The following GFRA2 variants were observed in gnomAD, a reference collection of about 807,000 sequenced individuals.
GFRA2 encodes the protein GDNF family receptor alpha-2.
Under a neutral mutation model 48.3 loss-of-function variants are expected in GFRA2, and 17 were observed. The ratio of observed to expected loss-of-function variants is 0.35; its 90% CI spans 0.24 to 0.53. The LOEUF is 0.53. GFRA2 is among the 20% of genes least tolerant of loss of function. GFRA2 has a pLI of 0.93. For missense variants in GFRA2, 660 were observed against 637.3 expected (o/e 1.04, Z -0.38); for synonymous variants, 305 against 257.2 (o/e 1.19, Z -1.78).
chr8:21,704,971 C>T lies in GFRA2; in HGVS notation c.1045+14G>A. ...GAGGGGCTGCTGGGGTTGGGGAGAA[C>T]ATCCAGAACTTACGGAGGCATGGGT... On this transcript the variant is annotated intron_variant, in intron 6 of 8. Coordinates refer to ENST00000524240, the MANE Select transcript of GFRA2 (RefSeq NM_001495.5). 6.2e-7 allele frequency: 1 copy of T among 1,602,316 alleles called. No homozygotes were observed. The highest frequency in any genetic ancestry group is 1.7e-5 in the Admixed American group (1 of 59,666).
chr8:21,735,820 C>T (rs1206464358), intron 4 of GFRA2, among the ~76,000 whole-genome samples: 1 of 151,362 alleles, frequency 6.6e-6, no homozygotes, highest in Non-Finnish European at 1.5e-5. Context: ...GCCCATGCCA[C>T]CACACCCAGA....
At chr8:21,756,028 G>A (rs1805551501) in intron 3 of GFRA2, among the ~76,000 whole-genome samples, 1 of 152,188 alleles carries the variant, frequency 6.6e-6, no homozygotes, top group South Asian at 2.1e-4. Context: ...GGCTGGAGGA[G>A]TGGAGCGGCC....
At chr8:21,722,784 GACA>G (rs1803670244) in intron 4 of GFRA2, among the ~76,000 whole-genome samples, 1 of 152,204 alleles carries the variant, frequency 6.6e-6, no homozygotes, top group South Asian at 2.1e-4. Context: ...CACAACAGGT[GACA>G]ACGTTAGATG....
chr8:21,754,773 T>G (rs780536349), intron 3 of GFRA2, among the ~76,000 whole-genome samples: 30 of 152,156 alleles, frequency 2.0e-4, no homozygotes, highest in Non-Finnish European at 3.4e-4. Context: ...CCTCCAAAAG[T>G]GCTGGGATTA....
At chr8:21,728,049 A>C (rs1370347558) in intron 4 of GFRA2, among the ~76,000 whole-genome samples, 1 of 152,078 alleles carries the variant, frequency 6.6e-6, no homozygotes, top group Non-Finnish European at 1.5e-5. Flanking sequence ...GGCACATGTT[A>C]ATAGATGGTA....
At chr8:21,719,539 G>C (rs1803495202) in intron 4 of GFRA2, among the ~76,000 whole-genome samples, 1 of 152,184 alleles carries the variant, frequency 6.6e-6, no homozygotes, top group Non-Finnish European at 1.5e-5. Flanking sequence ...AAGAGATTGT[G>C]TTTACATAAG....
chr8:21,701,627 C>T (rs899411852), intron 7 of GFRA2, among the ~76,000 whole-genome samples: 1 of 152,104 alleles, frequency 6.6e-6, no homozygotes, highest in Non-Finnish European at 1.5e-5. Context: ...GGATTTGTAA[C>T]GCCTAACATT....
chr8:21,704,816 G>A (rs1211872489), intron 6 of GFRA2, among the ~76,000 whole-genome samples, 169 bp downstream of exon 6: 3 of 152,126 alleles, frequency 2.0e-5, no homozygotes, highest in Non-Finnish European at 4.4e-5. Flanking sequence ...CAGCTCTGGT[G>A]TGAATCTCCA....
At position 21,702,946 on chromosome 8, in the gene GFRA2, C is replaced by T. The variant is rs376133510; in HGVS notation, c.1077G>A (p.Thr359=). The T allele has an allele frequency of 6.3e-5, 97 of 1,548,858 alleles. No individual in the cohort carries two copies. In the South Asian group the frequency reaches 1.1e-3, roughly 18 times the overall value. The change falls in exon 7 of 9, where the codon ACG becomes ACA. Residue 359 remains threonine (T), a synonymous_variant. Coordinates refer to ENST00000524240, the MANE Select transcript of GFRA2 (RefSeq NM_001495.5). ...GGCCTTTTGGGGACACGTTCACGTC[C>T]GTGCCGTTGCCAAAGGCCTGGATGG... ...RNAIQAFGNG[T]DVNVSPKGPS...
intron 4 of GFRA2, among the ~76,000 whole-genome samples, chr8:21,717,874 C>G (rs1050913669): frequency 3.3e-5 from 5 of 152,196 alleles, no homozygotes; most frequent in Admixed American, 1.3e-4. Flanking sequence ...TCTCCTCCCA[C>G]AAGAGGTCCT....
chr8:21,745,153 G>A (rs1804943621), intron 4 of GFRA2, among the ~76,000 whole-genome samples: 1 of 152,266 alleles, frequency 6.6e-6, no homozygotes, highest in Non-Finnish European at 1.5e-5. Flanking sequence ...ACGGGTGACG[G>A]ACAAGGCCTG....
chr8:21,713,954 G>C lies in GFRA2; in HGVS notation c.795-7913C>G, dbSNP rs150558922. ...AAAAAAAGCAGTGCTTTGCGCCACA[G>C]CCAGAGAAAGCCCACAGTTACGTGG... On this transcript the variant is annotated intron_variant, in intron 4 of 8. Transcript: ENST00000524240. Among the ~76,000 whole-genome samples, 168 of 152,264 alleles carry C rather than the reference G, an allele frequency of 1.1e-3. 1 individual carries two copies. The highest frequency in any genetic ancestry group is 3.8e-3 in the African/African-American group (158 of 41,548).
At chr8:21,717,338 C>T (rs1362102787) in intron 4 of GFRA2, among the ~76,000 whole-genome samples, 3 of 152,214 alleles carry the variant, frequency 2.0e-5, no homozygotes, top group South Asian at 2.1e-4. Context: ...GGATGTAGAT[C>T]GTGTCAATGT....
chr8:21,789,365 C>A (rs1490756315), upstream of GFRA2: 1 of 152,604 alleles, frequency 6.6e-6, no homozygotes, highest in African/African-American at 2.4e-5. Flanking sequence ...GCCCCCGCCC[C>A]CTGCGCCGCT....
chr8:21,702,798 C>A lies in GFRA2; in HGVS notation c.1218+7G>T. ...GCTCCCCCCACGCCTCAGCCACACA[C>A]CCTCACCTGGACAGACGTGCAGGTG... On this transcript the variant is annotated splice_region_variant and intron_variant, in intron 7 of 8. Coordinates refer to ENST00000524240, the MANE Select transcript of GFRA2 (RefSeq NM_001495.5). 1 of 1,592,788 alleles carries A rather than the reference C, an allele frequency of 6.3e-7. No individual in the cohort carries two copies. Among genetic ancestry groups the A allele is most frequent in the Non-Finnish European group, 8.5e-7 (1 of 1,170,412 alleles).
At chr8:21,735,479 TG>T (rs1804409798) in intron 4 of GFRA2, among the ~76,000 whole-genome samples, 1 of 152,076 alleles carries the variant, frequency 6.6e-6, no homozygotes, top group Non-Finnish European at 1.5e-5. Context: ...GCAGAGTGCT[TG>T]GGCCAGTAGG....
intron 2 of GFRA2, among the ~76,000 whole-genome samples, chr8:21,797,020 C>T (rs1445330385): frequency 2.0e-5 from 3 of 152,218 alleles, no homozygotes; most frequent in African/African-American, 4.8e-5. Flanking sequence ...TGTCCCACTA[C>T]GTGACAGCGA....
chr8:21,718,310 C>T (rs183310798), intron 4 of GFRA2, among the ~76,000 whole-genome samples: 157 of 152,308 alleles, frequency 1.0e-3, no homozygotes, highest in African/African-American at 1.7e-3. Flanking sequence ...GTGACTTGCT[C>T]GTCCTTGCCT....
chr8:21,785,765 G>T (rs894497725), intron 1 of GFRA2, among the ~76,000 whole-genome samples: 12 of 152,076 alleles, frequency 7.9e-5, no homozygotes, highest in Non-Finnish European at 1.8e-4. Context: ...GGCAAGAAAG[G>T]CCTCTCTCTC....
Sources: gnomAD v4.1 joint callset for allele counts (sites outside exome capture counted in the v4.1 genomes callset) on GRCh38, gnomAD v4.1.1 for gene constraint, MANE v1.5 for transcripts, NCBI Gene and HGNC (gene_info 2026-07-23, HGNC 2026-07-21) for gene names.